Variants in ATG16L1 observed in about 807,000 individuals in gnomAD.
ATG16L1 encodes the protein autophagy related 16 like 1, also known as autophagy-related protein 16-1.
A neutral mutation model predicts 88.5 loss-of-function variants in ATG16L1; 37 were observed. That is an observed-to-expected ratio of 0.42 (90% CI 0.32 to 0.55). The LOEUF (loss-of-function observed/expected upper bound fraction) is 0.55, where lower values mean the gene tolerates loss of function less well. Among genes scored for constraint, ATG16L1 ranks in the 20% least tolerant of loss-of-function variants. The probability of loss-of-function intolerance (pLI) is 0.13; values close to 1 mark genes in which losing one functional copy is unlikely to be tolerated. For missense variants in ATG16L1, 554 were observed against 752.8 expected, an observed-to-expected ratio of 0.74 and a Z score of 3.09; for synonymous variants, 301 against 281.0, an observed-to-expected ratio of 1.07 and a Z score of -0.71.
At chr2:233,280,566 C>T (rs566631757) in intron 10 of ATG16L1, among the ~76,000 whole-genome samples, 79 of 152,248 alleles carry the variant, frequency 5.2e-4, no homozygotes, top group African/African-American at 1.8e-3. Context: ...TCCAAACTAG[C>T]TTGACTGGTA....
At chr2:233,252,621 C>A (rs1405869399) in intron 1 of ATG16L1, among the ~76,000 whole-genome samples, 2 of 152,126 alleles carry the variant, frequency 1.3e-5, no homozygotes, top group Admixed American at 6.5e-5. Context: ...CTCCTGCGCT[C>A]AAACGATCTT....
chr2:233,264,547 G>A (rs985323921), intron 4 of ATG16L1, among the ~76,000 whole-genome samples: 1 of 152,212 alleles, frequency 6.6e-6, no homozygotes, highest in African/African-American at 2.4e-5. Context: ...TATGTGGAAA[G>A]GGGTCTAGAG....
At chr2:233,281,074 C>G (rs372439850) in intron 10 of ATG16L1, 31 bp from the exon 11 acceptor site, 29 of 1,458,740 alleles carry the variant, frequency 2.0e-5, no homozygotes, top group Non-Finnish European at 2.5e-5. Flanking sequence ...TATTTAACTT[C>G]CCATCATCCT....
intron 8 of ATG16L1, 49 bp downstream of exon 8, chr2:233,273,826 T>C (rs1698151752): frequency 6.3e-7 from 1 of 1,582,448 alleles, no homozygotes; most frequent in Admixed American, 1.7e-5. Context: ...TATACCTAAG[T>C]ATATGTACAT....
chr2:233,272,502 T>TA (rs1698061986), intron 6 of ATG16L1, among the ~76,000 whole-genome samples: 1 of 152,246 alleles, frequency 6.6e-6, no homozygotes, highest in Non-Finnish European at 1.5e-5. Flanking sequence ...GAATTCTCCC[T>TA]ACACTGTTGT....
chr2:233,254,671 C>G (rs1258826381), intron 1 of ATG16L1, among the ~76,000 whole-genome samples: 1 of 152,214 alleles, frequency 6.6e-6, no homozygotes, highest in Admixed American at 6.5e-5. Context: ...GAAGGTCTTA[C>G]TAGAGCCCTT....
At chr2:233,284,168 T>G (rs575729074) in intron 12 of ATG16L1, among the ~76,000 whole-genome samples, 27 of 150,666 alleles carry the variant, frequency 1.8e-4, no homozygotes, top group African/African-American at 5.9e-4. Flanking sequence ...CTTTTTTTTT[T>G]TTCTGAGATG....
chr2:233,294,566 G>A lies in ATG16L1; in HGVS notation c.*216G>A, dbSNP rs570360575. On this transcript the variant is annotated 3_prime_UTR_variant, in exon 18 of 18. Transcript: ENST00000392017. ...AAGAATAACACTGAAAAAACCTGAC[G>A]CTGCGGTCACTTAGCAGAGGCTCAG... 14 of 421,940 alleles carry A rather than the reference G, an allele frequency of 3.3e-5. No homozygotes were observed. The highest frequency in any genetic ancestry group is 3.2e-4 in the East Asian group (8 of 25,340). The allele number at this position is 421,940 out of a possible 1,614,324, so 26.1% of individuals were successfully genotyped here. A position where few individuals can be genotyped will look rare whatever the true frequency, so the allele number is the denominator to read the frequency against.
chr2:233,284,256 T>A (rs1054593926), intron 12 of ATG16L1, among the ~76,000 whole-genome samples: 2 of 151,826 alleles, frequency 1.3e-5, no homozygotes, highest in Admixed American at 6.6e-5. Flanking sequence ...TCAAGTGATC[T>A]CCTTCCTCAG....
intron 4 of ATG16L1, among the ~76,000 whole-genome samples, chr2:233,264,553 T>C (rs547120422): frequency 6.6e-6 from 1 of 152,316 alleles, no homozygotes; most frequent in African/African-American, 2.4e-5. Flanking sequence ...GAAAGGGGTC[T>C]AGAGGCTTGG....
Position 233,292,114 on chromosome 2 carries a change from G to C in ATG16L1, c.1431-14G>C, listed in dbSNP as rs774415539. ...GGCCTACGTTACATTTCTCAGATCT[G>C]TTCTCCCTCTTAGATCAGAGAGCAT... On this transcript the variant is annotated splice_polypyrimidine_tract_variant and intron_variant, in intron 14 of 17. Transcript: ENST00000392017. The C allele has an allele frequency of 1.9e-6, 3 of 1,613,734 alleles. No individual in the cohort carries two copies. Among genetic ancestry groups the C allele is most frequent in the Admixed American group, 1.7e-5 (1 of 59,970 alleles).
chr2:233,270,222 G>A (rs1304543831), intron 6 of ATG16L1, among the ~76,000 whole-genome samples, 155 bp downstream of exon 6: 1 of 151,362 alleles, frequency 6.6e-6, no homozygotes, highest in Non-Finnish European at 1.5e-5. Context: ...AGCTTCTAAT[G>A]TTTTTATTTC....
At chr2:233,291,909 A>G (rs1346976524) in intron 14 of ATG16L1, among the ~76,000 whole-genome samples, 1 of 152,226 alleles carries the variant, frequency 6.6e-6, no homozygotes, top group East Asian at 1.9e-4. Flanking sequence ...GGAAATTCTT[A>G]CCAACTTCAG....
intron 11 of ATG16L1, among the ~76,000 whole-genome samples, chr2:233,282,103 C>T (rs1308806668): frequency 1.3e-5 from 2 of 152,084 alleles, no homozygotes; most frequent in Non-Finnish European, 2.9e-5. Context: ...TTTGTAAAGC[C>T]ATGTGGAGAC....
chr2:233,275,461 G>T (rs532276414), intron 9 of ATG16L1: 1 of 346,230 alleles, frequency 2.9e-6, no homozygotes, highest in South Asian at 2.3e-5. Flanking sequence ...CTAATAACTG[G>T]CAGCGGGTAA....
At chr2:233,268,222 A>G (rs1342357481) in intron 5 of ATG16L1, among the ~76,000 whole-genome samples, 1 of 152,154 alleles carries the variant, frequency 6.6e-6, no homozygotes, top group Non-Finnish European at 1.5e-5. Context: ...TTGGGAGGCC[A>G]AGGCAGGTGG....
chr2:233,261,289 A>G (rs1429739734), intron 2 of ATG16L1, among the ~76,000 whole-genome samples: 1 of 152,132 alleles, frequency 6.6e-6, no homozygotes, highest in Non-Finnish European at 1.5e-5. Flanking sequence ...TCTGTTCTAT[A>G]GCTAGCCAGC....
At chr2:233,277,356 T>G in intron 9 of ATG16L1, 1 of 469,720 alleles carries the variant, frequency 2.1e-6, no homozygotes, top group South Asian at 2.4e-5. Context: ...TTGAGAAGGT[T>G]GCACTGCACT....
intron 1 of ATG16L1, among the ~76,000 whole-genome samples, chr2:233,252,437 A>G (rs1419309836): frequency 6.6e-6 from 1 of 152,002 alleles, no homozygotes; most frequent in East Asian, 1.9e-4. Flanking sequence ...CCTGGAGTGC[A>G]GTGGCGGAGA....
Sources: gnomAD v4.1 joint callset for allele counts (sites outside exome capture counted in the v4.1 genomes callset) on GRCh38, gnomAD v4.1.1 for gene constraint, MANE v1.5 for transcripts, NCBI Gene and HGNC (gene_info 2026-07-23, HGNC 2026-07-21) for gene names.